The following COL24A1 variants were observed in gnomAD, a reference collection of about 807,000 sequenced individuals.
COL24A1 encodes collagen alpha-1(XXIV) chain.
COL24A1 carries 224 observed loss-of-function variants against 253.9 expected under a neutral mutation model. That is an observed-to-expected ratio of 0.88 (90% CI 0.79 to 0.99). The LOEUF is 0.99. Ranked by LOEUF, COL24A1 falls within the 50% of genes least tolerant of loss-of-function variation. The pLI, the probability that COL24A1 is intolerant of heterozygous loss-of-function variation, is 0.00. For missense variants in COL24A1, 2,131 were observed against 2,068.5 expected (o/e 1.03, Z -0.59); for synonymous variants, 685 against 673.7 (o/e 1.02, Z -0.26).
intron 47 of COL24A1, among the ~76,000 whole-genome samples, chr1:85,797,277 A>C (rs1014015397): frequency 1.3e-5 from 2 of 151,718 alleles, no homozygotes; most frequent in African/African-American, 2.4e-5. Context: ...TATGGGCCTG[A>C]CATGGTGCTA....
intron 24 of COL24A1, among the ~76,000 whole-genome samples, chr1:85,925,043 G>A (rs1558678511): frequency 6.6e-6 from 1 of 152,100 alleles, no homozygotes; most frequent in Non-Finnish European, 1.5e-5. Context: ...CAAACAGAGA[G>A]CCAAATCATG....
intron 7 of COL24A1, among the ~76,000 whole-genome samples, chr1:86,082,801 G>C (rs554031768): frequency 2.6e-5 from 4 of 151,176 alleles, no homozygotes; most frequent in Admixed American, 6.6e-5. Context: ...CTTGGGACCA[G>C]AGTGTTTTGG....
intron 20 of COL24A1, among the ~76,000 whole-genome samples, chr1:85,985,233 T>C (rs1693617303): frequency 6.6e-6 from 1 of 151,708 alleles, no homozygotes; most frequent in South Asian, 2.1e-4. Flanking sequence ...GTGTAGGTAT[T>C]AGCTAGATGC....
In COL24A1 at chr1:86,041,001, C is replaced by A. The variant is rs114149938; in HGVS notation, c.1950+5824G>T. Among the ~76,000 whole-genome samples the A allele has an allele frequency of 6.7e-3, 1,024 of 152,208 alleles. 16 individuals carry two copies. Among genetic ancestry groups the A allele is most frequent in the African/African-American group, 0.024 (981 of 41,538 alleles). On this transcript the variant is annotated intron_variant, in intron 12 of 59. Transcript: ENST00000370571. ...AAAAACTAATAACAGATGTCCAACA[C>A]CAGGATTTTATATTCTGAAATTCTA...
intron 14 of COL24A1, among the ~76,000 whole-genome samples, chr1:86,028,508 C>G (rs1393441880): frequency 6.6e-6 from 1 of 152,306 alleles, no homozygotes; most frequent in East Asian, 1.9e-4. Context: ...CTGCTACCCT[C>G]TACAGAAGGC....
chr1:85,862,192 C>T (rs1313411635), intron 37 of COL24A1, among the ~76,000 whole-genome samples: 1 of 152,134 alleles, frequency 6.6e-6, no homozygotes, highest in Non-Finnish European at 1.5e-5. Context: ...CAGTCTTCTT[C>T]ATTAGATTAT....
intron 28 of COL24A1, among the ~76,000 whole-genome samples, chr1:85,901,392 C>A (rs1030067149): frequency 6.6e-6 from 1 of 151,968 alleles, no homozygotes; most frequent in Non-Finnish European, 1.5e-5. Flanking sequence ...ATTAAAAAAA[C>A]AAAAATCAAT....
chr1:86,107,647 G>C (rs1705127360), intron 5 of COL24A1, among the ~76,000 whole-genome samples: 1 of 152,028 alleles, frequency 6.6e-6, no homozygotes, highest in East Asian at 1.9e-4. Flanking sequence ...CCATTCTCCT[G>C]CCTCAGCCTC....
At chr1:85,995,184 C>T (rs1694661844) in intron 19 of COL24A1, among the ~76,000 whole-genome samples, 1 of 152,132 alleles carries the variant, frequency 6.6e-6, no homozygotes, top group African/African-American at 2.4e-5. Context: ...TTGATTCTTG[C>T]TCTGTCAATC....
chr1:85,988,795 G>A (rs1172599565), intron 19 of COL24A1, among the ~76,000 whole-genome samples: 13 of 152,068 alleles, frequency 8.5e-5, no homozygotes, highest in Admixed American at 3.9e-4. Flanking sequence ...TGATACCAAC[G>A]TATCCAGTCT....
intron 12 of COL24A1, among the ~76,000 whole-genome samples, chr1:86,042,267 A>G (rs1238647885): frequency 6.6e-6 from 1 of 152,192 alleles, no homozygotes; most frequent in Non-Finnish European, 1.5e-5. Flanking sequence ...ACCAAGGAAC[A>G]AGTGAATTTG....
In COL24A1 at chr1:85,842,403, A is replaced by T; in HGVS notation, c.3463-10T>A. ...TCAATCCTAAATGTCCCTGAAAAAC[A>T]AAGTAAATATTAGTGAGAGAGAGAA... On this transcript the variant is annotated splice_polypyrimidine_tract_variant and intron_variant, in intron 39 of 59. Transcript: ENST00000370571. The T allele has an allele frequency of 1.9e-6, 3 of 1,575,598 alleles. No homozygotes were observed. The highest frequency in any genetic ancestry group is 2.6e-6 in the Non-Finnish European group (3 of 1,149,944).
At chr1:85,816,439 C>T (rs989323589) in intron 47 of COL24A1, among the ~76,000 whole-genome samples, 3 of 152,138 alleles carry the variant, frequency 2.0e-5, no homozygotes, top group Admixed American at 6.5e-5. Flanking sequence ...ACTGCCAAGA[C>T]CTAAATGTTC....
chr1:85,908,551 T>C, intron 27 of COL24A1, 47 bp downstream of exon 27: 1 of 1,077,690 alleles, frequency 9.3e-7, no homozygotes, highest in Non-Finnish European at 1.3e-6. Context: ...GAGTTTAAAT[T>C]AAAGTAAACA....
chr1:85,940,512 G>A (rs900722835), intron 24 of COL24A1, among the ~76,000 whole-genome samples: 1 of 150,422 alleles, frequency 6.6e-6, no homozygotes, highest in South Asian at 2.1e-4. Context: ...TGCAAGGCAT[G>A]CTAAATAATG....
At position 85,816,905 on chromosome 1, in the gene COL24A1, T is replaced by G; in HGVS notation, c.3844-10A>C. 1.3e-6 allele frequency: 2 copies of G among 1,587,152 alleles called. No individual in the cohort carries two copies. Among genetic ancestry groups the G allele is most frequent in the Non-Finnish European group, 8.7e-7 (1 of 1,155,942 alleles). On this transcript the variant is annotated splice_polypyrimidine_tract_variant and intron_variant, in intron 46 of 59. Coordinates refer to ENST00000370571, the MANE Select transcript of COL24A1 (RefSeq NM_152890.7). Reference sequence around the variant, plus strand: ...GTAGGCCTTGAAGTCCCTTGATAATTAAAAATTATTTGGATTGTAGAGATG... The same window carrying G: ...GTAGGCCTTGAAGTCCCTTGATAATGAAAAATTATTTGGATTGTAGAGATG...
chr1:85,835,333 T>C (rs991135675), intron 43 of COL24A1, among the ~76,000 whole-genome samples: 1 of 152,166 alleles, frequency 6.6e-6, no homozygotes, highest in Non-Finnish European at 1.5e-5. Flanking sequence ...GGTTTCACTA[T>C]GTTGGGCAGG....
At chr1:85,770,260 T>C (rs1390656264) in intron 53 of COL24A1, among the ~76,000 whole-genome samples, 1 of 152,028 alleles carries the variant, frequency 6.6e-6, no homozygotes, top group African/African-American at 2.4e-5. Context: ...AGCTAGTTAA[T>C]ATAACTGCAA....
At chr1:85,948,845 A>AAT (rs1263207868) in intron 24 of COL24A1, among the ~76,000 whole-genome samples, 4 of 151,342 alleles carry the variant, frequency 2.6e-5, no homozygotes, top group African/African-American at 9.7e-5. Context: ...TATAATAAAA[A>AAT]ATATATATAT....
Sources: gnomAD v4.1 joint callset for allele counts (sites outside exome capture counted in the v4.1 genomes callset) on GRCh38, gnomAD v4.1.1 for gene constraint, MANE v1.5 for transcripts, NCBI Gene and HGNC (gene_info 2026-07-23, HGNC 2026-07-21) for gene names.